Variants in PIBF1 observed in about 807,000 individuals in gnomAD.
The protein encoded by PIBF1 is progesterone-induced-blocking factor 1.
Under a neutral mutation model 112.5 loss-of-function variants are expected in PIBF1, and 90 were observed. The observed-to-expected ratio is 0.80, with a 90% CI of 0.67 to 0.95. PIBF1 has a LOEUF of 0.95. Among genes scored for constraint, PIBF1 ranks in the 40% least tolerant of loss-of-function variants. The pLI, the probability that PIBF1 is intolerant of heterozygous loss-of-function variation, is 0.00. For synonymous variants in PIBF1, 301 were observed against 288.6 expected (o/e 1.04, Z -0.44); for missense variants, 915 against 852.3 (o/e 1.07, Z -0.92).
intron 11 of PIBF1, among the ~76,000 whole-genome samples, chr13:72,898,697 A>T (rs1269277904): frequency 6.8e-6 from 1 of 146,238 alleles, no homozygotes; most frequent in Admixed American, 6.9e-5. Flanking sequence ...AAAAAAAAAA[A>T]ATAAAGCCGG....
chr13:72,827,092 A>G lies in PIBF1; in HGVS notation c.889A>G (p.Lys297Glu), dbSNP rs773724029. The G allele has an allele frequency of 2.4e-5, 38 of 1,596,628 alleles. No individual in the cohort carries two copies. Among genetic ancestry groups the G allele is most frequent in the Non-Finnish European group, 3.3e-5 (38 of 1,167,958 alleles). The change falls in exon 7 of 18, where the codon AAA becomes GAA. Residue 297 changes from lysine to glutamate, a missense_variant. Transcript: ENST00000326291. The part of the protein sequence containing the change: ...ILEASHMIQT[K>E]ERSELSKEVV... The stretch of plus-strand genomic sequence containing the variant: ...TGAAGCCTCTCACATGATTCAAACA[A>G]AAGAACGAAGTGAATTATCAAAAGA...
intron 13 of PIBF1, among the ~76,000 whole-genome samples, chr13:72,924,717 A>G (rs1416267644): frequency 9.2e-6 from 1 of 108,986 alleles, no homozygotes; most frequent in Non-Finnish European, 2.2e-5. Flanking sequence ...ACCCTGCCAG[A>G]AAAAAAAAAA....
intron 10 of PIBF1, among the ~76,000 whole-genome samples, chr13:72,886,858 G>A (rs2039879046): frequency 6.6e-6 from 1 of 152,034 alleles, no homozygotes; most frequent in Admixed American, 6.6e-5. Flanking sequence ...CATCTAAATG[G>A]CAGAAACGTT....
At position 72,991,559 on chromosome 13, in the gene PIBF1, C is replaced by G. The variant is rs9600053; in HGVS notation, c.2050-7263C>G. Among the ~76,000 whole-genome samples, 1,266 of 152,060 alleles carry G rather than the reference C, an allele frequency of 8.3e-3. 21 individuals carry two copies. The highest frequency in any genetic ancestry group is 0.027 in the Middle Eastern group (8 of 294). On this transcript the variant is annotated intron_variant, in intron 16 of 17. Coordinates refer to ENST00000326291, the MANE Select transcript of PIBF1 (RefSeq NM_006346.4). ...TCTGCAAGTTAGTATAAAAGCATATCAGATTTTATCAGACTACGTTATAGA... is the reference window on the plus strand; with the variant it reads ...TCTGCAAGTTAGTATAAAAGCATATGAGATTTTATCAGACTACGTTATAGA...
chr13:73,001,582 C>CTTTTTGTTTTTTTTTTTTTTTTTTT (rs1555331970), intron 17 of PIBF1, among the ~76,000 whole-genome samples: 1 of 29,158 alleles, frequency 3.4e-5, no homozygotes, highest in Non-Finnish European at 7.5e-5. Flanking sequence ...AAGAGCTTGA[C>CTTTTTGTTTTTTTTTTTTTTTTTTT]TTTTTTTTTT....
chr13:72,935,335 T>A (rs2041837829), intron 14 of PIBF1, among the ~76,000 whole-genome samples: 1 of 152,218 alleles, frequency 6.6e-6, no homozygotes, highest in African/African-American at 2.4e-5. Flanking sequence ...ATGCTTTTTT[T>A]AATGTCTCCT....
intron 14 of PIBF1, among the ~76,000 whole-genome samples, chr13:72,952,346 G>A (rs757660824): frequency 2.2e-4 from 33 of 152,088 alleles, no homozygotes; most frequent in Non-Finnish European, 3.2e-4. Flanking sequence ...GAACCACCAT[G>A]CCCGGCCCAG....
chr13:72,900,545 A>G (rs1287996576), intron 11 of PIBF1, among the ~76,000 whole-genome samples: 1 of 152,236 alleles, frequency 6.6e-6, no homozygotes, highest in East Asian at 1.9e-4. Flanking sequence ...TTAGCTAGCC[A>G]CATGTGGGAG....
At chr13:72,989,982 C>T (rs1409838624) in intron 16 of PIBF1, among the ~76,000 whole-genome samples, 1 of 151,362 alleles carries the variant, frequency 6.6e-6, no homozygotes, top group Non-Finnish European at 1.5e-5. Context: ...GGGAGGCTGA[C>T]ACAGGTGGAT....
chr13:72,818,984 T>C (rs2036422492), intron 5 of PIBF1, among the ~76,000 whole-genome samples: 1 of 152,134 alleles, frequency 6.6e-6, no homozygotes, highest in Admixed American at 6.6e-5. Context: ...GATGACTTGG[T>C]ATTTCATTTC....
chr13:72,907,674 A>G (rs1338057989), intron 11 of PIBF1, among the ~76,000 whole-genome samples: 1 of 152,072 alleles, frequency 6.6e-6, no homozygotes, highest in African/African-American at 2.4e-5. Context: ...TCCAAACCAT[A>G]TTCTTCACTG....
intron 10 of PIBF1, among the ~76,000 whole-genome samples, chr13:72,872,251 A>C (rs949548967): frequency 1.3e-5 from 2 of 152,218 alleles, no homozygotes; most frequent in Non-Finnish European, 2.9e-5. Flanking sequence ...ACAATAATTG[A>C]AAGTATCTTG....
chr13:72,910,789 A>G (rs1393408483), intron 12 of PIBF1, among the ~76,000 whole-genome samples: 1 of 152,190 alleles, frequency 6.6e-6, no homozygotes, highest in Non-Finnish European at 1.5e-5. Flanking sequence ...CTAGAAGTAA[A>G]CAATTGGAGA....
At chr13:72,843,179 CG>C (rs1235076982) in intron 9 of PIBF1, among the ~76,000 whole-genome samples, 1 of 152,076 alleles carries the variant, frequency 6.6e-6, no homozygotes, top group Non-Finnish European at 1.5e-5. Flanking sequence ...GGTTGCAATG[CG>C]GGGTGGATTA....
chr13:72,909,738 C>T (rs1014530941), intron 12 of PIBF1, among the ~76,000 whole-genome samples: 13 of 152,130 alleles, frequency 8.5e-5, no homozygotes, highest in Middle Eastern at 6.8e-3. Flanking sequence ...GTGATCTGCC[C>T]GCCTCGACCT....
chr13:72,920,784 A>T (rs11841034), intron 13 of PIBF1, among the ~76,000 whole-genome samples: 32,445 of 151,744 alleles, frequency 0.21, 3,539 homozygotes, highest in East Asian at 0.26. Flanking sequence ...GGCAACATAG[A>T]GAGACTCCCA....
chr13:72,962,469 C>T (rs58704276), intron 14 of PIBF1, among the ~76,000 whole-genome samples: 344 of 151,990 alleles, frequency 2.3e-3, no homozygotes, highest in African/African-American at 6.4e-3. Context: ...CATGGTGGCT[C>T]ATGCTTGTAG....
chr13:72,874,847 A>T lies in PIBF1; in HGVS notation c.1323-18937A>T, dbSNP rs112583894. Among the ~76,000 whole-genome samples, 1,091 of 152,258 alleles carry T rather than the reference A, an allele frequency of 7.2e-3. 23 individuals carry two copies. The highest frequency in any genetic ancestry group is 0.025 in the African/African-American group (1,025 of 41,552). On this transcript the variant is annotated intron_variant, in intron 10 of 17. Coordinates refer to ENST00000326291, the MANE Select transcript of PIBF1 (RefSeq NM_006346.4). ...TTGCTCATATAACCCCTACCCCTAC[A>T]CATGTATAGCCTACCCCATTATGAA...
In PIBF1 at chr13:72,808,038, A is replaced by G. The variant is rs191457105; in HGVS notation, c.672+10012A>G. Reference sequence around the variant, plus strand: ...CCTTTTCATTACTGAGTGGTATTACATTGAATGGCTCTAGTTATTTACCAT... The same window carrying G: ...CCTTTTCATTACTGAGTGGTATTACGTTGAATGGCTCTAGTTATTTACCAT... On this transcript the variant is annotated intron_variant, in intron 5 of 17. Coordinates refer to ENST00000326291, the MANE Select transcript of PIBF1 (RefSeq NM_006346.4). Among the ~76,000 whole-genome samples the G allele has an allele frequency of 1.6e-3, 251 of 152,288 alleles. 1 individual carries two copies. Among genetic ancestry groups the G allele is most frequent in the Non-Finnish European group, 6.2e-4 (42 of 68,030 alleles).
Sources: gnomAD v4.1 joint callset for allele counts (sites outside exome capture counted in the v4.1 genomes callset) on GRCh38, gnomAD v4.1.1 for gene constraint, MANE v1.5 for transcripts, NCBI Gene and HGNC (gene_info 2026-07-23, HGNC 2026-07-21) for gene names.